SUGCT: variants seen among roughly 807,000 people sequenced by gnomAD.
SUGCT encodes succinyl-CoA:glutarate-CoA transferase, also known as succinyl-CoA:glutarate CoA-transferase.
SUGCT carries 41 observed loss-of-function variants against 55.0 expected under a neutral mutation model. The ratio of observed to expected loss-of-function variants is 0.74; its 90% CI spans 0.58 to 0.97. SUGCT has a LOEUF of 0.97. Among genes scored for constraint, SUGCT ranks in the 50% least tolerant of loss-of-function variants. The pLI, the probability that SUGCT is intolerant of heterozygous loss-of-function variation, is 0.00. For synonymous variants in SUGCT, 187 were observed against 200.4 expected, an observed-to-expected ratio of 0.93 and a Z score of 0.56; for missense variants, 568 against 547.8, an observed-to-expected ratio of 1.04 and a Z score of -0.37.
At chr7:40,713,464 A>T (rs1374406801) in intron 12 of SUGCT, among the ~76,000 whole-genome samples, 1 of 152,188 alleles carries the variant, frequency 6.6e-6, no homozygotes, top group African/African-American at 2.4e-5. Flanking sequence ...GTTCCTTTGT[A>T]CATCCATGGT....
At chr7:40,811,138 A>G (rs1030708682) in intron 13 of SUGCT, among the ~76,000 whole-genome samples, 3 of 152,036 alleles carry the variant, frequency 2.0e-5, no homozygotes, top group African/African-American at 4.8e-5. Flanking sequence ...TTTTGTACCA[A>G]TACCATGCTG....
chr7:41,021,994 T>A, the SUGCT span, among the ~76,000 whole-genome samples: 1 of 151,942 alleles, frequency 6.6e-6, no homozygotes, highest in Non-Finnish European at 1.5e-5. Context: ...CAAATTAAAA[T>A]TCCAGAAAGA....
intron 12 of SUGCT, among the ~76,000 whole-genome samples, chr7:40,643,348 G>A (rs1333629393): frequency 6.6e-6 from 1 of 152,144 alleles, no homozygotes; most frequent in Non-Finnish European, 1.5e-5. Context: ...TGCAATTTGG[G>A]CAGTCACATA....
intron 12 of SUGCT, among the ~76,000 whole-genome samples, chr7:40,725,908 A>C (rs764292332): frequency 3.9e-5 from 6 of 152,046 alleles, no homozygotes; most frequent in Admixed American, 1.3e-4. Context: ...GTGAGTAAAG[A>C]ACTTTATAGA....
chr7:40,298,713 C>T (rs1196208110), intron 8 of SUGCT, among the ~76,000 whole-genome samples: 1 of 151,844 alleles, frequency 6.6e-6, no homozygotes, highest in East Asian at 1.9e-4. Flanking sequence ...CTCATTTAAT[C>T]AGAGGTTTCT....
intron 7 of SUGCT, among the ~76,000 whole-genome samples, chr7:40,274,167 A>AT (rs1445899386): frequency 7.0e-6 from 1 of 143,524 alleles, no homozygotes; most frequent in African/African-American, 2.6e-5. Flanking sequence ...AAATTAACTC[A>AT]TTTAAATTCA....
chr7:40,895,341 A>G, the SUGCT span, among the ~76,000 whole-genome samples: 1 of 151,960 alleles, frequency 6.6e-6, no homozygotes, highest in East Asian at 1.9e-4. Context: ...GGAGAGGATC[A>G]GAAAAAAATA....
chr7:40,313,094 C>G (rs992236207), intron 8 of SUGCT, among the ~76,000 whole-genome samples: 2 of 152,114 alleles, frequency 1.3e-5, no homozygotes, highest in African/African-American at 4.8e-5. Context: ...CATTGGTTTT[C>G]TGGTTAGAAA....
chr7:40,906,740 C>T, the SUGCT span, among the ~76,000 whole-genome samples: 12 of 152,112 alleles, frequency 7.9e-5, no homozygotes, highest in Middle Eastern at 3.4e-3. Context: ...GAGGTGTTGT[C>T]CTGGAACCGA....
chr7:40,178,899 T>G (rs545918203), intron 1 of SUGCT, among the ~76,000 whole-genome samples: 2 of 152,346 alleles, frequency 1.3e-5, no homozygotes, highest in East Asian at 3.9e-4. Context: ...ACTGATGTTT[T>G]ATTTTTCTTA....
chr7:40,932,588 C>G, the SUGCT span, among the ~76,000 whole-genome samples: 2 of 152,108 alleles, frequency 1.3e-5, no homozygotes, highest in Non-Finnish European at 2.9e-5. Context: ...TAAGGACTTG[C>G]TTTATGAATC....
chr7:40,597,852 A>T (rs1180167483), intron 12 of SUGCT, among the ~76,000 whole-genome samples: 1 of 152,182 alleles, frequency 6.6e-6, no homozygotes, highest in Non-Finnish European at 1.5e-5. Context: ...CTGTTCCTGT[A>T]ACATAATTCA....
At chr7:40,327,847 CTG>C (rs747285234) in intron 9 of SUGCT, among the ~76,000 whole-genome samples, 25 of 152,234 alleles carry the variant, frequency 1.6e-4, no homozygotes, top group African/African-American at 3.9e-4. Flanking sequence ...TCAATGATTA[CTG>C]TGTTATTAAA....
chr7:40,983,673 T>C, the SUGCT span, among the ~76,000 whole-genome samples: 3 of 152,288 alleles, frequency 2.0e-5, no homozygotes, highest in East Asian at 3.9e-4. Flanking sequence ...TGAATTAAAG[T>C]AAACAGTGCG....
intron 13 of SUGCT, among the ~76,000 whole-genome samples, chr7:40,859,735 G>C (rs1794391641): frequency 6.6e-6 from 1 of 152,234 alleles, no homozygotes; most frequent in Non-Finnish European, 1.5e-5. Flanking sequence ...GGCTCTGCTA[G>C]AGAGCATAAG....
chr7:41,009,652 T>C, the SUGCT span, among the ~76,000 whole-genome samples: 1 of 151,922 alleles, frequency 6.6e-6, no homozygotes. Context: ...CCACCATCCA[T>C]CCTTCCTTCC....
the SUGCT span, among the ~76,000 whole-genome samples, chr7:41,020,206 T>A: frequency 6.6e-6 from 1 of 152,190 alleles, no homozygotes; most frequent in Non-Finnish European, 1.5e-5. Context: ...AGGGGAAAAG[T>A]CTCCATACTA....
At position 40,227,554 on chromosome 7, in the gene SUGCT, T is replaced by G. The variant is rs772746256; in HGVS notation, c.485-10081T>G. ...TAATTTTTAAATTTTTTTGTAGAGA[T>G]GGGGTCCTGGGCTCAAGAGATCCTC... On this transcript the variant is annotated intron_variant, in intron 6 of 13. Transcript: ENST00000335693. Among the ~76,000 whole-genome samples, 5 of 152,146 alleles carry G rather than the reference T, an allele frequency of 3.3e-5. No homozygotes were observed. The South Asian group carries it at 6.2e-4, about 19-fold the overall frequency.
the SUGCT span, among the ~76,000 whole-genome samples, chr7:40,898,684 G>T: frequency 6.6e-6 from 1 of 151,746 alleles, no homozygotes; most frequent in Non-Finnish European, 1.5e-5. Context: ...AGATCGCGCC[G>T]CGAGACTCCG....
Sources: gnomAD v4.1 joint callset for allele counts (sites outside exome capture counted in the v4.1 genomes callset) on GRCh38, gnomAD v4.1.1 for gene constraint, MANE v1.5 for transcripts, NCBI Gene and HGNC (gene_info 2026-07-23, HGNC 2026-07-21) for gene names.